Variants in CSMD1 observed in about 807,000 individuals in gnomAD.
CSMD1 encodes CUB and Sushi multiple domains 1.
A neutral mutation model predicts 417.5 loss-of-function variants in CSMD1; 213 were observed. That is an observed-to-expected ratio of 0.51 (90% CI 0.46 to 0.57). The LOEUF (loss-of-function observed/expected upper bound fraction) is 0.57, where lower values mean the gene tolerates loss of function less well. Among genes scored for constraint, CSMD1 ranks in the 20% least tolerant of loss-of-function variants. CSMD1 has a pLI of 0.00. For missense variants in CSMD1, 6,923 were observed against 4,529.7 expected (o/e 1.53, Z -15.17); for synonymous variants, 2,862 against 1,736.8 (o/e 1.65, Z -16.11).
chr8:3,955,627 A>C (rs185632920), intron 5 of CSMD1, among the ~76,000 whole-genome samples: 1 of 152,162 alleles, frequency 6.6e-6, no homozygotes, highest in Non-Finnish European at 1.5e-5. Flanking sequence ...TATCTCATCA[A>C]TAAATACCTC....
At chr8:3,668,633 T>G (rs1798827953) in intron 7 of CSMD1, among the ~76,000 whole-genome samples, 2 of 152,068 alleles carry the variant, frequency 1.3e-5, no homozygotes, top group Admixed American at 1.3e-4. Context: ...GAGACGATCC[T>G]GAACAGAGTG....
At chr8:3,338,225 C>G (rs998997396) in intron 23 of CSMD1, among the ~76,000 whole-genome samples, 1 of 152,186 alleles carries the variant, frequency 6.6e-6, no homozygotes, top group East Asian at 1.9e-4. Flanking sequence ...TGTCTCATCT[C>G]CATGTCCAGG....
chr8:4,111,452 G>T lies in CSMD1; in HGVS notation c.416-79353C>A, dbSNP rs568235180. Among the ~76,000 whole-genome samples, 36 of 152,076 alleles carry T rather than the reference G, an allele frequency of 2.4e-4. 1 individual carries two copies. Among genetic ancestry groups the T allele is most frequent in the South Asian group, 6.2e-4 (3 of 4,812 alleles). The stretch of plus-strand genomic sequence containing the variant: ...TCCTTAGGATATATACCCAGTAATG[G>T]GAAAAGCACATGCACGAGTATGTTC... On this transcript the variant is annotated intron_variant, in intron 3 of 69. Transcript: ENST00000635120.
chr8:4,778,591 G>T (rs547544216), intron 1 of CSMD1, among the ~76,000 whole-genome samples: 1 of 152,198 alleles, frequency 6.6e-6, no homozygotes, highest in South Asian at 2.1e-4. Flanking sequence ...TTCCGTGAGA[G>T]GGAGGTCATG....
At chr8:3,570,636 C>G (rs1585387323) in intron 10 of CSMD1, among the ~76,000 whole-genome samples, 2 of 152,310 alleles carry the variant, frequency 1.3e-5, no homozygotes, top group East Asian at 3.9e-4. Flanking sequence ...TGGAAGCTCC[C>G]TGACTCTGCC....
intron 3 of CSMD1, among the ~76,000 whole-genome samples, chr8:4,232,683 G>T (rs769520134): frequency 6.6e-6 from 1 of 152,068 alleles, no homozygotes; most frequent in African/African-American, 2.4e-5. Flanking sequence ...CACCTAAACT[G>T]AAGGAGACAT....
chr8:4,823,555 G>A (rs73181555), intron 1 of CSMD1, among the ~76,000 whole-genome samples: 6,701 of 151,986 alleles, frequency 0.044, 170 homozygotes, highest in African/African-American at 0.064. Context: ...CCAAGCCCTC[G>A]TAGTATATGA....
chr8:3,357,344 G>C (rs972164710), intron 21 of CSMD1, among the ~76,000 whole-genome samples: 2 of 152,284 alleles, frequency 1.3e-5, no homozygotes, highest in Non-Finnish European at 2.9e-5. Flanking sequence ...GAGTCTTTTT[G>C]TCTTAACATT....
At chr8:3,748,930 T>C (rs1024255054) in intron 6 of CSMD1, among the ~76,000 whole-genome samples, 10 of 152,210 alleles carry the variant, frequency 6.6e-5, no homozygotes, top group African/African-American at 2.4e-4. Flanking sequence ...AAAATTGGAA[T>C]TTTATTACAA....
chr8:3,861,138 A>G (rs1303599459), intron 5 of CSMD1, among the ~76,000 whole-genome samples: 1 of 152,094 alleles, frequency 6.6e-6, no homozygotes, highest in Admixed American at 6.6e-5. Flanking sequence ...TGCCAAAAAC[A>G]CACCTTTAAC....
rs1563141017 is a variant in CSMD1 at position 3,205,619 on chromosome 8, A to C, written c.4869T>G (p.Ala1623=). Residue 1623 remains alanine, a splice_region_variant and synonymous_variant, in exon 31 of 70, where the codon GCT becomes GCG. Coordinates refer to ENST00000635120, the MANE Select transcript of CSMD1 (RefSeq NM_033225.6). ...SWDQVLPSCN[A]PCGGQYTGSE... is the part of the protein sequence containing the mutation. ...ATCCCGTGTACTGGCCTCCACAGGG[A>C]GCTGAAAATAAAATCAACCGAGAAT... 1 of 1,497,184 alleles carries C rather than the reference A, an allele frequency of 6.7e-7. No homozygotes were observed. Among genetic ancestry groups the C allele is most frequent in the Non-Finnish European group, 9.1e-7 (1 of 1,093,942 alleles). 92.7% of individuals were successfully genotyped at this position (1,497,184 alleles called of 1,614,324 possible). A position where few individuals can be genotyped will look rare whatever the true frequency, so the allele number is the denominator to read the frequency against.
intron 3 of CSMD1, among the ~76,000 whole-genome samples, chr8:4,058,478 A>T (rs1798810700): frequency 6.6e-6 from 1 of 152,194 alleles, no homozygotes; most frequent in Non-Finnish European, 1.5e-5. Context: ...CGTCATCTGC[A>T]AACAGGGACA....
intron 26 of CSMD1, among the ~76,000 whole-genome samples, chr8:3,281,661 C>G (rs1802748151): frequency 6.6e-6 from 1 of 152,004 alleles, no homozygotes; most frequent in Admixed American, 6.5e-5. Flanking sequence ...AGAGTGATTG[C>G]TAGGAATTAG....
At chr8:4,390,941 C>G (rs975525472) in intron 3 of CSMD1, among the ~76,000 whole-genome samples, 10 of 152,146 alleles carry the variant, frequency 6.6e-5, no homozygotes, top group Non-Finnish European at 1.2e-4. Context: ...CACTGCTAAT[C>G]CAAAGACACA....
At chr8:3,768,544 T>C (rs537286790) in intron 5 of CSMD1, among the ~76,000 whole-genome samples, 1 of 152,314 alleles carries the variant, frequency 6.6e-6, no homozygotes, top group African/African-American at 2.4e-5. Flanking sequence ...AAAGTCCAAA[T>C]GGCTCAGACA....
chr8:3,431,881 C>T (rs920044720), intron 12 of CSMD1, among the ~76,000 whole-genome samples: 20 of 152,328 alleles, frequency 1.3e-4, no homozygotes, highest in Admixed American at 7.8e-4. Context: ...GATAAGATAT[C>T]GGCTGCTCTT....
rs1011821927 is a variant in CSMD1, at chr8:3,399,592, C to T, written c.2267-63G>A. On this transcript the variant is annotated intron_variant, in intron 15 of 69. Transcript: ENST00000635120. ...GACAGAAGGATATGCCATAACAATACCCGGATAAAAGCCAGAATCTGCTTC... is the reference window on the plus strand; with the variant it reads ...GACAGAAGGATATGCCATAACAATATCCGGATAAAAGCCAGAATCTGCTTC... 3.8e-6 allele frequency: 5 copies of T among 1,300,400 alleles called. No homozygotes were observed. The African/African-American group carries it at 6.0e-5, about 16-fold the overall frequency. The allele number at this position is 1,300,400 out of a possible 1,614,324, so 80.6% of individuals were successfully genotyped here.
At chr8:3,340,801 C>T (rs1807593569) in intron 23 of CSMD1, among the ~76,000 whole-genome samples, 1 of 152,144 alleles carries the variant, frequency 6.6e-6, no homozygotes, top group Admixed American at 6.5e-5. Flanking sequence ...TCCCACCAGA[C>T]AGTATGTTCC....
intron 1 of CSMD1, among the ~76,000 whole-genome samples, chr8:4,745,181 T>C (rs1215601290): frequency 1.3e-5 from 2 of 152,174 alleles, no homozygotes; most frequent in African/African-American, 2.4e-5. Flanking sequence ...TTCTAATCAA[T>C]GAAACCTTAA....
Sources: allele counts gnomAD v4.1 joint callset (sites outside exome capture counted in the v4.1 genomes callset), GRCh38; gene constraint gnomAD v4.1.1; transcripts MANE v1.5; gene names NCBI Gene and HGNC (gene_info 2026-07-23, HGNC 2026-07-21).